Variants in CDK8 observed in about 807,000 individuals in gnomAD.
CDK8 encodes cyclin dependent kinase 8.
Under a neutral mutation model 71.5 loss-of-function variants are expected in CDK8, and 29 were observed. That is an observed-to-expected ratio of 0.41 (90% confidence interval 0.30 to 0.55). The LOEUF is 0.55. CDK8 is among the 20% of genes least tolerant of loss of function. CDK8 has a pLI of 0.37. For missense variants in CDK8, 288 were observed against 572.6 expected, an observed-to-expected ratio of 0.50 and a Z score of 5.07; for synonymous variants, 161 against 192.1, an observed-to-expected ratio of 0.84 and a Z score of 1.34.
intron 5 of CDK8, 72 bp downstream of exon 5, chr13:26,382,943 A>C (rs116597905): frequency 1.1e-6 from 1 of 927,792 alleles, no homozygotes. Context: ...TATCACTTCT[A>C]ATTTTTGCTA....
intron 4 of CDK8, among the ~76,000 whole-genome samples, chr13:26,378,605 A>T (rs1473601216): frequency 6.6e-6 from 1 of 152,214 alleles, no homozygotes; most frequent in Non-Finnish European, 1.5e-5. Context: ...TTGCCATGAT[A>T]TTATAATTTA....
chr13:26,287,820 A>G (rs1366460634), intron 1 of CDK8, among the ~76,000 whole-genome samples: 2 of 152,224 alleles, frequency 1.3e-5, no homozygotes, highest in African/African-American at 4.8e-5. Context: ...ATAATAGGAA[A>G]TCCCAATTTT....
At chr13:26,294,392 G>A (rs1035413350) in intron 1 of CDK8, among the ~76,000 whole-genome samples, 1 of 152,212 alleles carries the variant, frequency 6.6e-6, no homozygotes, top group Non-Finnish European at 1.5e-5. Flanking sequence ...GAACATGGGA[G>A]TGCAGGTATC....
intron 6 of CDK8, among the ~76,000 whole-genome samples, chr13:26,392,985 T>C (rs1875822685): frequency 6.6e-6 from 1 of 152,212 alleles, no homozygotes; most frequent in African/African-American, 2.4e-5. Context: ...TAGTTTTCTT[T>C]GGTTGTAGTT....
At chr13:26,387,961 C>T (rs968602505) in intron 6 of CDK8, among the ~76,000 whole-genome samples, 9 of 152,204 alleles carry the variant, frequency 5.9e-5, no homozygotes, top group African/African-American at 2.2e-4. Flanking sequence ...CCAGTGCCTA[C>T]ATAGTATGTA....
Position 26,340,328 on chromosome 13 carries a change from G to T in CDK8, c.204+2686G>T, listed in dbSNP as rs1005021940. ...CTGATTACTAATTTATTTTCATTGT[G>T]GGTCAGAGAAAAGAGACCTTGTATT... is the stretch of plus-strand genomic sequence containing the variant. On this transcript the variant is annotated intron_variant, in intron 2 of 12. Coordinates refer to ENST00000381527, the MANE Select transcript of CDK8 (RefSeq NM_001260.3). Among the ~76,000 whole-genome samples, 9 of 151,928 alleles carry T rather than the reference G, an allele frequency of 5.9e-5. 1 individual carries two copies. The highest frequency in any genetic ancestry group is 2.2e-4 in the African/African-American group (9 of 41,362).
chr13:26,355,994 TATG>T (rs1873880492), intron 4 of CDK8, among the ~76,000 whole-genome samples: 1 of 152,188 alleles, frequency 6.6e-6, no homozygotes, highest in Non-Finnish European at 1.5e-5. Context: ...TAGTGAAAAT[TATG>T]ATACCGAGTT....
chr13:26,294,930 A>G (rs1873474694), intron 1 of CDK8, among the ~76,000 whole-genome samples: 1 of 151,888 alleles, frequency 6.6e-6, no homozygotes, highest in Non-Finnish European at 1.5e-5. Context: ...TTGTATTTTC[A>G]GTAGAGATGG....
At chr13:26,335,137 A>G (rs1872921008) in intron 1 of CDK8, among the ~76,000 whole-genome samples, 1 of 152,090 alleles carries the variant, frequency 6.6e-6, no homozygotes, top group Non-Finnish European at 1.5e-5. Flanking sequence ...GTATTACTCC[A>G]GCACCTGCCT....
In CDK8 at chr13:26,256,401, C is replaced by T. The variant is rs554582688; in HGVS notation, c.128+1632C>T. Reference sequence around the variant, plus strand: ...TAATTTTGGGCATATTCATAAAATCCCCAATCCCATGAGATTAGACATTAC... The same window carrying T: ...TAATTTTGGGCATATTCATAAAATCTCCAATCCCATGAGATTAGACATTAC... On this transcript the variant is annotated intron_variant, in intron 1 of 12. Transcript: ENST00000381527. Among the ~76,000 whole-genome samples the T allele has an allele frequency of 1.1e-4, 16 of 152,236 alleles. No individual in the cohort carries two copies. The South Asian group carries it at 3.3e-3, about 32-fold the overall frequency.
intron 4 of CDK8, among the ~76,000 whole-genome samples, chr13:26,369,328 T>C: frequency 6.7e-6 from 1 of 149,758 alleles, no homozygotes; most frequent in East Asian, 2.0e-4. Flanking sequence ...TGCATGCCTG[T>C]GGTCTCAGCT....
At chr13:26,331,812 A>C (rs772794576) in intron 1 of CDK8, among the ~76,000 whole-genome samples, 8 of 152,044 alleles carry the variant, frequency 5.3e-5, no homozygotes, top group Non-Finnish European at 1.0e-4. Context: ...TTGGTTCCAT[A>C]CAAATTTTAG....
At chr13:26,372,511 T>C (rs952577983) in intron 4 of CDK8, among the ~76,000 whole-genome samples, 2 of 152,178 alleles carry the variant, frequency 1.3e-5, no homozygotes, top group East Asian at 1.9e-4. Context: ...ATAGTTTGTG[T>C]GTATAAACAT....
chr13:26,396,702 A>G (rs140333602), intron 8 of CDK8, among the ~76,000 whole-genome samples: 261 of 152,274 alleles, frequency 1.7e-3, no homozygotes, highest in African/African-American at 5.7e-3. Context: ...TTGCTCACCA[A>G]TCTAGGTTAC....
intron 1 of CDK8, among the ~76,000 whole-genome samples, chr13:26,316,387 A>G (rs569471010): frequency 1.3e-5 from 2 of 152,202 alleles, no homozygotes; most frequent in African/African-American, 4.8e-5. Flanking sequence ...AAAGAGAGAT[A>G]TAGGCAAGGA....
intron 6 of CDK8, among the ~76,000 whole-genome samples, chr13:26,391,681 T>C (rs996838373): frequency 1.4e-4 from 21 of 152,230 alleles, no homozygotes; most frequent in African/African-American, 5.1e-4. Context: ...AATTTTCCCA[T>C]ATACCTTTCG....
At chr13:26,365,644 G>T (rs1172479666) in intron 4 of CDK8, among the ~76,000 whole-genome samples, 1 of 151,924 alleles carries the variant, frequency 6.6e-6, no homozygotes, top group East Asian at 1.9e-4. Flanking sequence ...GAAGTAGAGG[G>T]TTATCTGAGT....
intron 4 of CDK8, among the ~76,000 whole-genome samples, chr13:26,371,674 G>A (rs563564280): frequency 1.3e-5 from 2 of 152,190 alleles, no homozygotes; most frequent in African/African-American, 4.8e-5. Flanking sequence ...GGAGTGCAAT[G>A]GCGTGATCTT....
At chr13:26,302,017 C>T (rs1266128151) in intron 1 of CDK8, among the ~76,000 whole-genome samples, 5 of 152,142 alleles carry the variant, frequency 3.3e-5, no homozygotes, top group Admixed American at 6.5e-5. Context: ...GGCAAGAGTG[C>T]GGACCCATCT....
Sources: gnomAD v4.1 joint callset for allele counts (sites outside exome capture counted in the v4.1 genomes callset) on GRCh38, gnomAD v4.1.1 for gene constraint, MANE v1.5 for transcripts, NCBI Gene and HGNC (gene_info 2026-07-23, HGNC 2026-07-21) for gene names.